The following CSMD1 variants were observed in gnomAD, a reference collection of about 807,000 sequenced individuals.
CSMD1 encodes the protein CUB and sushi domain-containing protein 1.
A neutral mutation model predicts 417.5 loss-of-function variants in CSMD1; 213 were observed. The ratio of observed to expected loss-of-function variants is 0.51; its 90% CI spans 0.46 to 0.57. The LOEUF (loss-of-function observed/expected upper bound fraction) is 0.57, where lower values mean the gene tolerates loss of function less well. Among genes scored for constraint, CSMD1 ranks in the 20% least tolerant of loss-of-function variants. The pLI is 0.00. For synonymous variants in CSMD1, 2,862 were observed against 1,736.8 expected (o/e 1.65, Z -16.11); for missense variants, 6,923 against 4,529.7 (o/e 1.53, Z -15.17).
chr8:4,665,541 G>A (rs1313366526), intron 1 of CSMD1, among the ~76,000 whole-genome samples: 1 of 152,132 alleles, frequency 6.6e-6, no homozygotes, highest in Non-Finnish European at 1.5e-5. Flanking sequence ...GGTGGCAGCT[G>A]GTTATCAGTG....
At chr8:4,205,602 C>G (rs546130784) in intron 3 of CSMD1, among the ~76,000 whole-genome samples, 2 of 152,222 alleles carry the variant, frequency 1.3e-5, no homozygotes, top group East Asian at 3.9e-4. Flanking sequence ...AGGATGAAGC[C>G]CTGACAATTT....
At chr8:3,511,588 T>C (rs1318061126) in intron 10 of CSMD1, among the ~76,000 whole-genome samples, 1 of 151,272 alleles carries the variant, frequency 6.6e-6, no homozygotes, top group East Asian at 1.9e-4. Context: ...AACCCCTCTC[T>C]ACTAAAAATA....
At chr8:3,147,256 A>T (rs1818901244) in intron 40 of CSMD1, among the ~76,000 whole-genome samples, 1 of 152,132 alleles carries the variant, frequency 6.6e-6, no homozygotes, top group African/African-American at 2.4e-5. Flanking sequence ...TTGATTTGTC[A>T]TGCTGTTTGT....
intron 5 of CSMD1, among the ~76,000 whole-genome samples, chr8:3,799,389 C>T (rs1406304264): frequency 2.0e-5 from 2 of 97,874 alleles, no homozygotes; most frequent in Middle Eastern, 6.6e-3. Context: ...AATGCTATCC[C>T]TCCCCCCTCC....
chr8:3,031,323 G>C (rs1240947722), intron 50 of CSMD1, among the ~76,000 whole-genome samples: 2 of 118,302 alleles, frequency 1.7e-5, no homozygotes, highest in African/African-American at 3.1e-5. Context: ...GTGGGGTGGG[G>C]GGAGGGTGGA....
intron 3 of CSMD1, among the ~76,000 whole-genome samples, chr8:4,302,107 T>C (rs1371826101): frequency 6.6e-6 from 1 of 152,204 alleles, no homozygotes; most frequent in Non-Finnish European, 1.5e-5. Context: ...ATCATGTTCA[T>C]TATGTAGAAG....
chr8:2,986,312 A>C (rs1805907067), intron 54 of CSMD1, among the ~76,000 whole-genome samples: 2 of 152,088 alleles, frequency 1.3e-5, no homozygotes, highest in African/African-American at 4.8e-5. Context: ...TGTGGCTACC[A>C]CTTCCTTGAT....
At chr8:3,450,086 G>A (rs938600607) in intron 12 of CSMD1, among the ~76,000 whole-genome samples, 1 of 152,140 alleles carries the variant, frequency 6.6e-6, no homozygotes, top group Non-Finnish European at 1.5e-5. Context: ...AAATCATCTG[G>A]TTTGCTGACT....
At chr8:4,764,184 G>A (rs1812296980) in intron 1 of CSMD1, among the ~76,000 whole-genome samples, 1 of 152,182 alleles carries the variant, frequency 6.6e-6, no homozygotes, top group African/African-American at 2.4e-5. Flanking sequence ...CTGAAATCAT[G>A]AGAGTGACCA....
chr8:4,985,660 A>T (rs1046436131), intron 1 of CSMD1, among the ~76,000 whole-genome samples: 1 of 152,194 alleles, frequency 6.6e-6, no homozygotes, highest in Non-Finnish European at 1.5e-5. Context: ...TAACAAGATG[A>T]CTATTCTCAC....
chr8:4,994,293 G>A (rs1439118173), intron 1 of CSMD1, 39 bp downstream of exon 1: 2 of 1,584,438 alleles, frequency 1.3e-6, no homozygotes, highest in East Asian at 2.2e-5. Context: ...GCCTCCGAGG[G>A]CTCTACCGCC....
rs1221088170 is a variant in CSMD1, at chr8:3,772,388, T to C, written c.819-18346A>G. Among the ~76,000 whole-genome samples, 322 of 121,858 alleles carry C rather than the reference T, an allele frequency of 2.6e-3. 26 individuals are homozygous for C. Among genetic ancestry groups the C allele is most frequent in the African/African-American group, 0.011 (300 of 27,682 alleles). The allele number at this position is 121,858 out of a possible 152,430, so 79.9% of individuals were successfully genotyped here. ...ACATATATACATATATTCATATATTTATATATACACATATATACATATATT... is the reference window on the plus strand; with the variant it reads ...ACATATATACATATATTCATATATTCATATATACACATATATACATATATT... On this transcript the variant is annotated intron_variant, in intron 5 of 69. Coordinates refer to ENST00000635120, the MANE Select transcript of CSMD1 (RefSeq NM_033225.6).
At chr8:4,690,284 C>T (rs569108022) in intron 1 of CSMD1, among the ~76,000 whole-genome samples, 8 of 152,168 alleles carry the variant, frequency 5.3e-5, no homozygotes, top group Non-Finnish European at 8.8e-5. Flanking sequence ...CTGAAGAGGA[C>T]GACCTAACAG....
At chr8:4,761,919 C>CTATCTATT (rs1812131048) in intron 1 of CSMD1, among the ~76,000 whole-genome samples, 1 of 142,032 alleles carries the variant, frequency 7.0e-6, no homozygotes, top group African/African-American at 2.8e-5. Flanking sequence ...ATCAATCTAT[C>CTATCTATT]TATCTATCTA....
intron 1 of CSMD1, among the ~76,000 whole-genome samples, chr8:4,662,128 T>C (rs1226445597): frequency 1.3e-5 from 2 of 152,122 alleles, no homozygotes; most frequent in East Asian, 3.8e-4. Flanking sequence ...TTCTAATAGA[T>C]TGCAGTACAA....
intron 10 of CSMD1, among the ~76,000 whole-genome samples, chr8:3,510,210 A>C (rs1797005562): frequency 6.6e-6 from 1 of 151,452 alleles, no homozygotes; most frequent in Non-Finnish European, 1.5e-5. Context: ...GCTGGACATC[A>C]GGGAGTCGGC....
At chr8:4,843,928 G>A (rs1302228554) in intron 1 of CSMD1, among the ~76,000 whole-genome samples, 1 of 152,170 alleles carries the variant, frequency 6.6e-6, no homozygotes, top group African/African-American at 2.4e-5. Context: ...AGTTAGTTCA[G>A]AAGCTAAGAT....
chr8:3,284,092 CATGACAAGACTTTG>C lies in CSMD1; in HGVS notation c.4153+38_4153+51del. 4 of 1,359,312 alleles carry C rather than the reference CATGACAAGACTTTG, an allele frequency of 2.9e-6. No individual in the cohort carries two copies. The South Asian group carries it at 5.0e-5, about 17-fold the overall frequency. The allele number at this position is 1,359,312 out of a possible 1,614,324, so 84.2% of individuals were successfully genotyped here. A position where few individuals can be genotyped will look rare whatever the true frequency, so the allele number is the denominator to read the frequency against. ...ATATAAATGGAGGGAGATCTGTGTT[CATGACAAGACTTTG>C]ATATCAAGGTAAAGAAGAAGCACGC... On this transcript the variant is annotated intron_variant, in intron 26 of 69. Transcript: ENST00000635120.
chr8:4,760,039 G>A (rs961568055), intron 1 of CSMD1, among the ~76,000 whole-genome samples: 12 of 152,270 alleles, frequency 7.9e-5, no homozygotes, highest in Middle Eastern at 6.8e-3. Flanking sequence ...CAGTGTAAAA[G>A]TCTTCCTATT....
Sources: gnomAD v4.1 joint callset for allele counts (sites outside exome capture counted in the v4.1 genomes callset) on GRCh38, gnomAD v4.1.1 for gene constraint, MANE v1.5 for transcripts, NCBI Gene and HGNC (gene_info 2026-07-23, HGNC 2026-07-21) for gene names.